Variants in DNAH5 observed in about 807,000 individuals in gnomAD.
DNAH5 encodes dynein axonemal heavy chain 5, also known as axonemal beta dynein heavy chain 5.
In DNAH5, 372 loss-of-function variants were observed where a neutral mutation model predicts 518.2. The observed-to-expected ratio is 0.72, with a 90% CI of 0.66 to 0.78. The LOEUF (loss-of-function observed/expected upper bound fraction) is 0.78. DNAH5 is among the 30% of genes least tolerant of loss of function. DNAH5 has a pLI of 0.00. For synonymous variants in DNAH5, 2,039 were observed against 2,025.9 expected, an observed-to-expected ratio of 1.01 and a Z score of -0.17; for missense variants, 5,523 against 5,687.0, an observed-to-expected ratio of 0.97 and a Z score of 0.93.
rs151122662 is a variant in DNAH5, at chr5:13,905,859, C to T, written c.1645-3721G>A. On this transcript the variant is annotated intron_variant, in intron 12 of 78. Transcript: ENST00000265104. The stretch of plus-strand genomic sequence containing the variant: ...GCAGCTTTATTCATAGTTGTCAAAA[C>T]TTGGAAGTAACCAAGATATCTTTCA... Among the ~76,000 whole-genome samples, 17 of 152,264 alleles carry T rather than the reference C, an allele frequency of 1.1e-4. No individual in the cohort carries two copies. The East Asian group carries it at 2.3e-3, about 21-fold the overall frequency.
intron 1 of DNAH5, among the ~76,000 whole-genome samples, chr5:14,007,668 T>C (rs917725105): frequency 3.9e-5 from 6 of 152,132 alleles, no homozygotes; most frequent in Non-Finnish European, 8.8e-5. Flanking sequence ...ACATGTGCAC[T>C]CTCCTTTCTC....
chr5:13,945,472 T>C (rs1460755595), upstream of DNAH5, among the ~76,000 whole-genome samples: 6 of 152,316 alleles, frequency 3.9e-5, no homozygotes, highest in African/African-American at 7.2e-5. Flanking sequence ...AACATGGAGA[T>C]TCACTTGGTC....
intron 18 of DNAH5, 80 bp from the exon 19 acceptor site, chr5:13,885,308 G>C: frequency 6.7e-7 from 1 of 1,488,706 alleles, no homozygotes; most frequent in Non-Finnish European, 9.3e-7. Flanking sequence ...TAGACAGATA[G>C]ATAGAATCAT....
intron 34 of DNAH5, among the ~76,000 whole-genome samples, chr5:13,840,295 A>G (rs1293704683): frequency 1.3e-5 from 2 of 152,006 alleles, no homozygotes; most frequent in Admixed American, 6.6e-5. Context: ...TGAGAATAAG[A>G]GCTTTTTGCC....
chr5:13,962,336 A>C (rs1781241420), intron 1 of DNAH5, among the ~76,000 whole-genome samples: 1 of 152,228 alleles, frequency 6.6e-6, no homozygotes, highest in Admixed American at 6.5e-5. Flanking sequence ...CTAAGGAATC[A>C]TGAAAATCAT....
rs748864501 is a variant in DNAH5, at chr5:13,776,433, A to G, written c.9373+6T>C. The G allele has an allele frequency of 1.9e-6, 3 of 1,613,574 alleles. No individual in the cohort carries two copies. On this transcript the variant is annotated splice_donor_region_variant and intron_variant, in intron 55 of 78. Coordinates refer to ENST00000265104, the MANE Select transcript of DNAH5 (RefSeq NM_001369.3). ...TATGCCCTGGCATAAACATTTCCATACTAACCAGCAACTAAAGCATCTTTG... is the reference window on the plus strand; with the variant it reads ...TATGCCCTGGCATAAACATTTCCATGCTAACCAGCAACTAAAGCATCTTTG...
intron 10 of DNAH5, 99 bp from the exon 11 acceptor site, chr5:13,914,057 A>G: frequency 7.0e-7 from 1 of 1,435,120 alleles, no homozygotes; most frequent in Non-Finnish European, 9.5e-7. Context: ...TGGAATTGTA[A>G]GCCTTTTCAT....
At chr5:13,825,101 G>T (rs1762723833) in intron 38 of DNAH5, among the ~76,000 whole-genome samples, 1 of 152,118 alleles carries the variant, frequency 6.6e-6, no homozygotes, top group Admixed American at 6.5e-5. Context: ...CAGCATTTTG[G>T]AAGACCAAGT....
Position 13,896,059 on chromosome 5 carries a change from A to G in DNAH5, c.2260-1238T>C, listed in dbSNP as rs187391115. On this transcript the variant is annotated intron_variant, in intron 15 of 78. Coordinates refer to ENST00000265104, the MANE Select transcript of DNAH5 (RefSeq NM_001369.3). ...ATCCCAATAATTTAGGTAGGAGCCA[A>G]TGATGGCAGTAACTGTAAATGTGGA... is the stretch of plus-strand genomic sequence containing the variant. 1.5e-3 allele frequency among the ~76,000 whole-genome samples: 231 copies of G among 152,042 alleles called. 2 individuals carry two copies. Among genetic ancestry groups the G allele is most frequent in the African/African-American group, 5.1e-3 (213 of 41,536 alleles).
At chr5:13,778,539 G>GA (rs781056550) in intron 53 of DNAH5, among the ~76,000 whole-genome samples, 40 of 73,908 alleles carry the variant, frequency 5.4e-4, no homozygotes, top group South Asian at 3.8e-3. Context: ...GAGAGAGAGA[G>GA]AAGAAAGAAA....
At position 13,785,324 on chromosome 5, in the gene DNAH5, T is replaced by C. The variant is rs141190241; in HGVS notation, c.8820+855A>G. ...TTCACCTGCTGCTCACCTCCTGCTGTGCAGCCCTGCTCCTAACAGGCCACA... is the reference window on the plus strand; with the variant it reads ...TTCACCTGCTGCTCACCTCCTGCTGCGCAGCCCTGCTCCTAACAGGCCACA... On this transcript the variant is annotated intron_variant, in intron 52 of 78. Transcript: ENST00000265104. 1.3e-3 allele frequency among the ~76,000 whole-genome samples: 201 copies of C among 152,220 alleles called. 1 individual carries two copies. Among genetic ancestry groups the C allele is most frequent in the Non-Finnish European group, 2.6e-3 (177 of 68,018 alleles).
chr5:13,798,126 C>G (rs1388497811), intron 47 of DNAH5, among the ~76,000 whole-genome samples: 1 of 152,080 alleles, frequency 6.6e-6, no homozygotes, highest in Non-Finnish European at 1.5e-5. Context: ...ATGGGTGCAG[C>G]AAACCAACAT....
intron 59 of DNAH5, 28 bp downstream of exon 59, chr5:13,765,948 C>T (rs757407556): frequency 5.0e-6 from 8 of 1,607,646 alleles, no homozygotes; most frequent in African/African-American, 1.3e-5. Flanking sequence ...TGAGTTCCCT[C>T]TTAGCCCATC....
chr5:13,766,309 T>A, intron 58 of DNAH5, 130 bp from the exon 59 acceptor site: 2 of 883,250 alleles, frequency 2.3e-6, no homozygotes, highest in Non-Finnish European at 3.7e-6. Context: ...GGCCACAGGG[T>A]CTAGATGCAT....
intron 12 of DNAH5, among the ~76,000 whole-genome samples, chr5:13,905,007 C>T (rs1231704223): frequency 2.0e-5 from 3 of 152,012 alleles, no homozygotes; most frequent in Non-Finnish European, 2.9e-5. Flanking sequence ...AAAAGAAAGT[C>T]GAAGTAGCAA....
intron 67 of DNAH5, 65 bp downstream of exon 67, chr5:13,735,753 A>G (rs1328489430): frequency 3.3e-6 from 4 of 1,209,382 alleles, no homozygotes; most frequent in Non-Finnish European, 3.7e-6. Flanking sequence ...GAAGTTATAA[A>G]TGTAATGTCA....
Position 13,714,456 on chromosome 5 carries a change from C to A in DNAH5, c.13074G>T (p.Arg4358=). Residue 4358 remains arginine, a synonymous_variant, in exon 75 of 79, where the codon CGG becomes CGT. Transcript: ENST00000265104. ...GCTTCTCCAGCATATCATCAGCCAG[C>A]CGGGCCACCACCGCCTCCCGGGTCT... ...GDETREAVVA[R]LADDMLEKLP... is the part of the protein sequence containing the mutation. 1 of 1,614,120 alleles carries A rather than the reference C, an allele frequency of 6.2e-7. No individual in the cohort carries two copies. The highest frequency in any genetic ancestry group is 8.5e-7 in the Non-Finnish European group (1 of 1,180,012).
intron 71 of DNAH5, 142 bp downstream of exon 71, chr5:13,720,858 A>AC: frequency 8.6e-7 from 1 of 1,163,438 alleles, no homozygotes; most frequent in Non-Finnish European, 1.2e-6. Context: ...GTTAGCTTAA[A>AC]TTTAAAAAAA....
At chr5:13,971,809 G>A (rs1464138933) in intron 1 of DNAH5, among the ~76,000 whole-genome samples, 1 of 152,264 alleles carries the variant, frequency 6.6e-6, no homozygotes, top group Non-Finnish European at 1.5e-5. Flanking sequence ...GTATAGGGAG[G>A]ATACAAGCTT....
Sources: gnomAD v4.1 joint callset for allele counts (sites outside exome capture counted in the v4.1 genomes callset) on GRCh38, gnomAD v4.1.1 for gene constraint, MANE v1.5 for transcripts, NCBI Gene and HGNC (gene_info 2026-07-23, HGNC 2026-07-21) for gene names.